SLC35F1: variants seen among roughly 807,000 people sequenced by gnomAD.
The protein encoded by SLC35F1 is solute carrier family 35 member F1, also known as chromosome 6 open reading frame 169.
SLC35F1 carries 14 observed loss-of-function variants against 48.7 expected under a neutral mutation model. The ratio of observed to expected loss-of-function variants is 0.29; its 90% CI spans 0.19 to 0.45. SLC35F1 has a LOEUF of 0.45. Ranked by LOEUF, SLC35F1 falls within the 20% of genes least tolerant of loss-of-function variation. The probability of loss-of-function intolerance (pLI) is 1.00; values close to 1 mark genes in which losing one functional copy is unlikely to be tolerated. For missense variants in SLC35F1, 404 were observed against 500.0 expected, an observed-to-expected ratio of 0.81 and a Z score of 1.83; for synonymous variants, 190 against 202.2, an observed-to-expected ratio of 0.94 and a Z score of 0.51.
At chr6:118,031,975 A>G (rs961161888) in intron 1 of SLC35F1, among the ~76,000 whole-genome samples, 2 of 152,044 alleles carry the variant, frequency 1.3e-5, no homozygotes, top group Admixed American at 1.3e-4. Context: ...TTGGTATTCA[A>G]TCCCGCCTCT....
At chr6:117,914,536 T>G (rs2114795939) in intron 1 of SLC35F1, among the ~76,000 whole-genome samples, 1 of 152,320 alleles carries the variant, frequency 6.6e-6, no homozygotes, top group South Asian at 2.1e-4. Context: ...AGGGAGAATT[T>G]TATTCAATGA....
intron 2 of SLC35F1, among the ~76,000 whole-genome samples, chr6:118,183,472 C>G (rs879830173): frequency 6.6e-6 from 1 of 150,946 alleles, no homozygotes; most frequent in Non-Finnish European, 1.5e-5. Flanking sequence ...CACATGTACC[C>G]TAAAACTTAA....
At chr6:118,254,858 A>C (rs1210010642) in intron 3 of SLC35F1, among the ~76,000 whole-genome samples, 2 of 152,212 alleles carry the variant, frequency 1.3e-5, no homozygotes, top group African/African-American at 2.4e-5. Context: ...AGTTTGGCTG[A>C]CTTAAGACAA....
At chr6:118,257,655 C>T (rs780004090) in intron 3 of SLC35F1, among the ~76,000 whole-genome samples, 1 of 152,096 alleles carries the variant, frequency 6.6e-6, no homozygotes, top group Non-Finnish European at 1.5e-5. Context: ...GTGATTGGGA[C>T]CACAGCATCC....
At chr6:118,179,497 G>A (rs1454889117) in intron 2 of SLC35F1, among the ~76,000 whole-genome samples, 3 of 152,100 alleles carry the variant, frequency 2.0e-5, no homozygotes, top group Non-Finnish European at 4.4e-5. Flanking sequence ...GCCCACATTG[G>A]TGAGGGCAAT....
intron 1 of SLC35F1, among the ~76,000 whole-genome samples, chr6:118,051,453 T>C (rs1384913577): frequency 1.3e-5 from 2 of 152,086 alleles, no homozygotes; most frequent in African/African-American, 4.8e-5. Context: ...TGCTACTTTT[T>C]CAAAAAGATA....
chr6:118,153,263 A>G (rs1774089983), intron 1 of SLC35F1, among the ~76,000 whole-genome samples: 1 of 93,802 alleles, frequency 1.1e-5, no homozygotes, highest in East Asian at 5.1e-4. Context: ...GATATAGTTA[A>G]CAATAATATA....
intron 1 of SLC35F1, among the ~76,000 whole-genome samples, chr6:118,148,127 A>C (rs1053741689): frequency 6.6e-6 from 1 of 152,210 alleles, no homozygotes; most frequent in African/African-American, 2.4e-5. Context: ...TTAGGTGTTC[A>C]TTATGTATGC....
intron 6 of SLC35F1, among the ~76,000 whole-genome samples, chr6:118,283,323 A>G (rs767379157): frequency 2.0e-5 from 3 of 152,192 alleles, no homozygotes; most frequent in Non-Finnish European, 4.4e-5. Flanking sequence ...AGCTCCTGAC[A>G]TTCTCTTTAA....
At chr6:118,010,112 T>A (rs958375529) in intron 1 of SLC35F1, among the ~76,000 whole-genome samples, 1 of 152,228 alleles carries the variant, frequency 6.6e-6, no homozygotes, top group Non-Finnish European at 1.5e-5. Flanking sequence ...TATTCTTAAC[T>A]AAATGTATTT....
chr6:118,130,375 TA>T (rs1036114175), intron 1 of SLC35F1, among the ~76,000 whole-genome samples: 1 of 151,908 alleles, frequency 6.6e-6, no homozygotes, highest in African/African-American at 2.4e-5. Context: ...CAGAAGCAAG[TA>T]AAAAAAACTG....
intron 2 of SLC35F1, among the ~76,000 whole-genome samples, chr6:118,228,086 T>C (rs1021164012): frequency 6.6e-6 from 1 of 152,164 alleles, no homozygotes; most frequent in Non-Finnish European, 1.5e-5. Flanking sequence ...TAAGCCAAAA[T>C]ATCAAAGGGC....
intron 1 of SLC35F1, among the ~76,000 whole-genome samples, chr6:118,010,761 G>A (rs1162057766): frequency 6.6e-6 from 1 of 152,104 alleles, no homozygotes; most frequent in African/African-American, 2.4e-5. Flanking sequence ...TTTCTCTCAA[G>A]ACCATTGCGA....
chr6:117,940,663 G>A (rs11752242), intron 1 of SLC35F1, among the ~76,000 whole-genome samples: 3,694 of 151,642 alleles, frequency 0.024, 66 homozygotes, highest in Non-Finnish European at 0.041. Context: ...TTGTGTGTGT[G>A]TGTGTGACAG....
Position 117,980,864 on chromosome 6 carries a change from G to C in SLC35F1, c.173+72965G>C, listed in dbSNP as rs867389558. Among the ~76,000 whole-genome samples, 5 of 152,328 alleles carry C rather than the reference G, an allele frequency of 3.3e-5. No individual in the cohort carries two copies. In the Middle Eastern group the frequency reaches 0.014, roughly 417 times the overall value. On this transcript the variant is annotated intron_variant, in intron 1 of 7. Transcript: ENST00000360388. ...GCCCAGAGAGCATTTAAGGTAGTGG[G>C]AGGGATATTGCAAAAATGTTTAGAG... is the stretch of plus-strand genomic sequence containing the variant.
At position 118,297,400 on chromosome 6, in the gene SLC35F1, C is replaced by T. The variant is rs187950696; in HGVS notation, c.1002+12062C>T. ...TATGTATGGTTGTACAGGCTGCACA[C>T]AGTGCAATTTGACCATTTGTAGAGA... On this transcript the variant is annotated intron_variant, in intron 7 of 7. Coordinates refer to ENST00000360388, the MANE Select transcript of SLC35F1 (RefSeq NM_001029858.4). Among the ~76,000 whole-genome samples, 471 of 152,072 alleles carry T rather than the reference C, an allele frequency of 3.1e-3. 2 individuals are homozygous for T. Among genetic ancestry groups the T allele is most frequent in the African/African-American group, 0.011 (460 of 41,496 alleles).
chr6:118,029,309 A>G (rs1222832035), intron 1 of SLC35F1, among the ~76,000 whole-genome samples: 3 of 152,172 alleles, frequency 2.0e-5, no homozygotes, highest in African/African-American at 7.2e-5. Flanking sequence ...CTGAGGTTTC[A>G]GTTACCCACA....
intron 1 of SLC35F1, among the ~76,000 whole-genome samples, chr6:117,939,008 CTTT>C (rs576443846): frequency 3.8e-5 from 5 of 132,106 alleles, no homozygotes; most frequent in Non-Finnish European, 3.2e-5. Context: ...AATTCTTGTT[CTTT>C]TTTTTTTTTT....
intron 1 of SLC35F1, among the ~76,000 whole-genome samples, chr6:117,952,333 C>T (rs1203510677): frequency 6.6e-6 from 1 of 152,150 alleles, no homozygotes; most frequent in Non-Finnish European, 1.5e-5. Flanking sequence ...GAGACCTGTA[C>T]CATGGGGCTG....
Sources: allele counts gnomAD v4.1 joint callset (sites outside exome capture counted in the v4.1 genomes callset), GRCh38; gene constraint gnomAD v4.1.1; transcripts MANE v1.5; gene names NCBI Gene and HGNC (gene_info 2026-07-23, HGNC 2026-07-21).